RIDA: variants seen among roughly 807,000 people sequenced by gnomAD.
RIDA encodes reactive intermediate imine deaminase A, also known as 2-iminobutanoate/2-iminopropanoate deaminase.
In RIDA, 17 loss-of-function variants were observed where a neutral mutation model predicts 17.8. The ratio of observed to expected loss-of-function variants is 0.96; its 90% CI spans 0.65 to 1.43. The LOEUF (loss-of-function observed/expected upper bound fraction) is 1.43, where lower values mean the gene tolerates loss of function less well. Ranked by LOEUF, RIDA falls within the 40% of genes most tolerant of loss-of-function variation. RIDA has a pLI of 0.00. For missense variants in RIDA, 158 were observed against 161.7 expected, an observed-to-expected ratio of 0.98 and a Z score of 0.12; for synonymous variants, 48 against 55.7, an observed-to-expected ratio of 0.86 and a Z score of 0.62.
intron 3 of RIDA, 102 bp downstream of exon 3, chr8:98,106,145 TTGCTATTTAAAACAACTTTTAAATA>T: frequency 9.3e-7 from 1 of 1,077,520 alleles, no homozygotes; most frequent in Non-Finnish European, 1.4e-6. Context: ...AGTAGAACAG[TTGCTATTTAAAACAACTTTTAAATA>T]GCAACAAAGA....
chr8:98,110,067 T>C (rs1815702428), intron 1 of RIDA, among the ~76,000 whole-genome samples: 1 of 152,246 alleles, frequency 6.6e-6, no homozygotes, highest in African/African-American at 2.4e-5. Flanking sequence ...TATTGTCTTA[T>C]TTCACTTAAA....
chr8:98,104,082 CTTTTTT>C (rs539041035), intron 5 of RIDA, among the ~76,000 whole-genome samples: 1 of 127,980 alleles, frequency 7.8e-6, no homozygotes, highest in Non-Finnish European at 1.7e-5. Flanking sequence ...TATTTCTTTT[CTTTTTT>C]TTTTTTTTTT....
At position 98,105,959 on chromosome 8, in the gene RIDA, C is replaced by T. The variant is rs151264404; in HGVS notation, c.274G>A (p.Val92Ile). Reference sequence around the variant, plus strand: ...TTACACTGTTTGTAGATTTCATTGACAGTATTGAAGTCATTTATGTCAGCC... The same window carrying T: ...TTACACTGTTTGTAGATTTCATTGATAGTATTGAAGTCATTTATGTCAGCC... ...LLADINDFNT[V>I]NEIYKQYFKS... Residue 92 changes from valine (V) to isoleucine (I), a missense_variant, in exon 4 of 6, where the codon GTC (valine) becomes ATC (isoleucine). Coordinates refer to ENST00000254878, the MANE Select transcript of RIDA (RefSeq NM_005836.3). The T allele has an allele frequency of 5.9e-5, 95 of 1,606,036 alleles. 1 individual carries two copies. The Middle Eastern group carries it at 8.3e-4, about 14-fold the overall frequency.
rs117916801 is a variant in RIDA, at chr8:98,106,791, T to G, written c.172-465A>C. On this transcript the variant is annotated intron_variant, in intron 2 of 5. Transcript: ENST00000254878. ...CTGGCTTCTGGAAAAACATTTATCT[T>G]TTTTTGGATTCACTCTTCCCACTTT... Among the ~76,000 whole-genome samples the G allele has an allele frequency of 1.5e-4, 23 of 152,354 alleles. 1 individual carries two copies. In the East Asian group the frequency reaches 3.7e-3, roughly 24 times the overall value.
At chr8:98,115,393 A>G (rs1213796140) in intron 1 of RIDA, among the ~76,000 whole-genome samples, 54 of 131,112 alleles carry the variant, frequency 4.1e-4, no homozygotes, top group African/African-American at 1.6e-3. Flanking sequence ...GCCTCCAAAA[A>G]AAAAAAAAAA....
chr8:98,111,284 A>G (rs1563764542), intron 1 of RIDA, among the ~76,000 whole-genome samples: 1 of 152,212 alleles, frequency 6.6e-6, no homozygotes. Flanking sequence ...AAAATGTTGA[A>G]GAAAGAAGAC....
chr8:98,106,293 C>T lies in RIDA; in HGVS notation c.205G>A (p.Ala69Thr). 1.2e-6 allele frequency: 2 copies of T among 1,613,772 alleles called. No homozygotes were observed. The highest frequency in any genetic ancestry group is 1.7e-6 in the Non-Finnish European group (2 of 1,179,772). The change falls in exon 3 of 6, where the codon GCA becomes ACA. Residue 69 changes from alanine (A) to threonine (T), a missense_variant. Transcript: ENST00000254878. The part of the protein sequence containing the change: ...LKNMGEILKA[A>T]GCDFTNVVKT... The stretch of plus-strand genomic sequence containing the variant: ...TCACCGTTAGTGAAGTCACAGCCTG[C>T]AGCTTTCAGAATTTCACCCATGTTT...
intron 1 of RIDA, among the ~76,000 whole-genome samples, chr8:98,114,685 C>G (rs569008297): frequency 5.0e-4 from 76 of 152,134 alleles, no homozygotes; most frequent in Non-Finnish European, 8.1e-4. Context: ...ATAATCTTAT[C>G]AAATGGTATT....
Position 98,104,480 on chromosome 8 carries a change from T to C in RIDA, c.351+9A>G, listed in dbSNP as rs762265538. ...AACTGTGTACATTAGTCATTTAAAG[T>C]GTACTTACTTTGGGTAAAGCAGCAA... On this transcript the variant is annotated intron_variant, in intron 5 of 5. Transcript: ENST00000254878. 1.3e-6 allele frequency: 2 copies of C among 1,510,910 alleles called. No homozygotes were observed. Among genetic ancestry groups the C allele is most frequent in the South Asian group, 2.3e-5 (2 of 88,632 alleles). 93.6% of individuals were successfully genotyped at this position (1,510,910 alleles called of 1,614,324 possible). A position where few individuals can be genotyped will look rare whatever the true frequency, so the allele number is the denominator to read the frequency against.
intron 1 of RIDA, among the ~76,000 whole-genome samples, chr8:98,110,911 C>T (rs1251672355): frequency 6.6e-6 from 1 of 152,120 alleles, no homozygotes; most frequent in East Asian, 1.9e-4. Context: ...ACAGTTCCTC[C>T]TACACATGTA....
Position 98,102,675 on chromosome 8 carries a change from T to C in RIDA, c.*167A>G, listed in dbSNP as rs574518822. Reference sequence around the variant, plus strand: ...AAGTAACTGGATTCCTTCTCTAATATTCATGTTCAACTCTCCCTATTACAT... The same window carrying C: ...AAGTAACTGGATTCCTTCTCTAATACTCATGTTCAACTCTCCCTATTACAT... On this transcript the variant is annotated 3_prime_UTR_variant, in exon 6 of 6. Transcript: ENST00000254878. The C allele has an allele frequency of 1.3e-4, 65 of 497,510 alleles. No individual in the cohort carries two copies. Among genetic ancestry groups the C allele is most frequent in the African/African-American group, 1.2e-3 (62 of 52,392 alleles). The allele number at this position is 497,510 out of a possible 1,614,324, so 30.8% of individuals were successfully genotyped here. A position where few individuals can be genotyped will look rare whatever the true frequency, so the allele number is the denominator to read the frequency against.
rs115291329 is a variant in RIDA, at chr8:98,116,832, G to A, written c.65+200C>T. Among the ~76,000 whole-genome samples, 1,021 of 152,352 alleles carry A rather than the reference G, an allele frequency of 6.7e-3. 9 individuals carry two copies. Among genetic ancestry groups the A allele is most frequent in the African/African-American group, 0.023 (959 of 41,594 alleles). ...TGTGCTCCGCAGCGAGGCAGCCCCA[G>A]AACGAGCAAAGTCCCATGGAGTGCA... On this transcript the variant is annotated intron_variant, in intron 1 of 5. Transcript: ENST00000254878.
intron 5 of RIDA, among the ~76,000 whole-genome samples, 154 bp downstream of exon 5, chr8:98,104,335 T>C (rs550863898): frequency 6.2e-4 from 95 of 152,238 alleles, no homozygotes; most frequent in African/African-American, 2.2e-3. Context: ...GATCCTCCTG[T>C]GTTGGCCTCT....
chr8:98,106,363 GT>G, intron 2 of RIDA, 37 bp from the exon 3 acceptor site: 3 of 1,546,340 alleles, frequency 1.9e-6, no homozygotes, highest in Non-Finnish European at 2.7e-6. Flanking sequence ...AGTCACTGAT[GT>G]TAGATTTAAA....
chr8:98,116,676 AG>A (rs1354473097), intron 1 of RIDA, among the ~76,000 whole-genome samples: 1 of 148,700 alleles, frequency 6.7e-6, no homozygotes, highest in Non-Finnish European at 1.5e-5. Flanking sequence ...TACATGTTAA[AG>A]GGGGTGAATC....
intron 2 of RIDA, among the ~76,000 whole-genome samples, chr8:98,107,748 C>T (rs1815651624): frequency 1.3e-5 from 2 of 148,934 alleles, no homozygotes; most frequent in Non-Finnish European, 1.5e-5. Flanking sequence ...CAGGCATGTG[C>T]CACCTGACTG....
intron 1 of RIDA, among the ~76,000 whole-genome samples, chr8:98,116,740 G>A (rs1815837911): frequency 6.6e-6 from 1 of 152,130 alleles, no homozygotes; most frequent in African/African-American, 2.4e-5. Flanking sequence ...AAACAAAAAC[G>A]ACCCCCTCCC....
At chr8:98,103,712 C>T (rs1342893734) in intron 5 of RIDA, among the ~76,000 whole-genome samples, 1 of 151,984 alleles carries the variant, frequency 6.6e-6, no homozygotes, top group Non-Finnish European at 1.5e-5. Flanking sequence ...TTTCGGCTCA[C>T]TGCAAGCTCT....
chr8:98,104,355 G>C (rs971926259), intron 5 of RIDA, 134 bp downstream of exon 5: 6 of 720,230 alleles, frequency 8.3e-6, no homozygotes, highest in African/African-American at 1.8e-5. Context: ...TCAAAGCACT[G>C]GGATTACAGG....
Sources: gnomAD v4.1 joint callset for allele counts (sites outside exome capture counted in the v4.1 genomes callset) on GRCh38, gnomAD v4.1.1 for gene constraint, MANE v1.5 for transcripts, NCBI Gene and HGNC (gene_info 2026-07-23, HGNC 2026-07-21) for gene names.